Variants in OSBPL3 observed in about 807,000 individuals in gnomAD.
The protein encoded by OSBPL3 is oxysterol-binding protein-related protein 3.
OSBPL3 carries 65 observed loss-of-function variants against 120.1 expected under a neutral mutation model. That is an observed-to-expected ratio of 0.54 (90% confidence interval 0.44 to 0.67). The LOEUF (loss-of-function observed/expected upper bound fraction) is 0.67, where lower values mean the gene tolerates loss of function less well. OSBPL3 is among the 30% of genes least tolerant of loss of function. The pLI is 0.00. For missense variants in OSBPL3, 1,004 were observed against 1,082.1 expected (o/e 0.93, Z 1.01); for synonymous variants, 416 against 402.6 (o/e 1.03, Z -0.40).
chr7:24,931,024 C>T (rs905248790), intron 1 of OSBPL3, among the ~76,000 whole-genome samples: 1 of 152,304 alleles, frequency 6.6e-6, no homozygotes, highest in South Asian at 2.1e-4. Context: ...CCCAGACATC[C>T]ATTTCCCAAC....
chr7:24,924,965 AC>A (rs1287197871), intron 1 of OSBPL3, among the ~76,000 whole-genome samples: 7 of 152,202 alleles, frequency 4.6e-5, no homozygotes, highest in Non-Finnish European at 5.9e-5. Flanking sequence ...GTGTTTATAC[AC>A]TAAGAAGACA....
intron 1 of OSBPL3, among the ~76,000 whole-genome samples, chr7:24,970,892 G>C (rs762006686): frequency 1.8e-4 from 28 of 152,216 alleles, no homozygotes; most frequent in Admixed American, 3.9e-4. Context: ...AGATGACACT[G>C]ATACATCTCC....
chr7:24,837,133 C>T (rs1363568028), intron 14 of OSBPL3, among the ~76,000 whole-genome samples: 3 of 152,154 alleles, frequency 2.0e-5, no homozygotes, highest in Admixed American at 2.0e-4. Context: ...CCACGCCCAG[C>T]CTGTTTTAGT....
chr7:24,820,331 CG>C lies in OSBPL3; in HGVS notation c.1885-94del. The C allele has an allele frequency of 2.2e-6, 2 of 921,056 alleles. No individual in the cohort carries two copies. Among genetic ancestry groups the C allele is most frequent in the East Asian group, 5.3e-5 (2 of 37,712 alleles). 57.1% of individuals were successfully genotyped at this position (921,056 alleles called of 1,614,324 possible). On this transcript the variant is annotated intron_variant, in intron 16 of 22. Transcript: ENST00000313367. The surrounding 1 kb of genome is among the most constrained non-coding windows in gnomAD (Gnocchi z 4.6). ...TCTCCCCTGCACTGAGATGTAACAGCGTGCAATGCTGAACTGAAGGAAAAAC... is the reference window on the plus strand; with the variant it reads ...TCTCCCCTGCACTGAGATGTAACAGCTGCAATGCTGAACTGAAGGAAAAAC...
chr7:24,892,632 G>A lies in OSBPL3; in HGVS notation c.-149-11C>T. 1.5e-6 allele frequency: 2 copies of A among 1,348,028 alleles called. No individual in the cohort carries two copies. The highest frequency in any genetic ancestry group is 1.9e-6 in the Non-Finnish European group (2 of 1,045,246). 83.5% of individuals were successfully genotyped at this position (1,348,028 alleles called of 1,614,324 possible). On this transcript the variant is annotated splice_polypyrimidine_tract_variant and intron_variant, in intron 1 of 22. Transcript: ENST00000313367. ...AGGAAACCCTAAAACCTAAAAAAGAGAAATTAGAAAGAAGGTCAGAGGCAT... is the reference window on the plus strand; with the variant it reads ...AGGAAACCCTAAAACCTAAAAAAGAAAAATTAGAAAGAAGGTCAGAGGCAT...
At position 24,911,327 on chromosome 7, in the gene OSBPL3, T is replaced by C. The variant is rs140129853; in HGVS notation, c.-149-18706A>G. Among the ~76,000 whole-genome samples, 432 of 151,986 alleles carry C rather than the reference T, an allele frequency of 2.8e-3. 2 individuals carry two copies. Among genetic ancestry groups the C allele is most frequent in the Middle Eastern group, 0.014 (4 of 294 alleles). On this transcript the variant is annotated intron_variant, in intron 1 of 22. Coordinates refer to ENST00000313367, the MANE Select transcript of OSBPL3 (RefSeq NM_015550.4). ...AACTGCTTGCGGAAGCTTGGTAGAG[T>C]TTTAACAATTGGCAACCACAGGCAG... is the stretch of plus-strand genomic sequence containing the variant.
chr7:24,963,061 G>A (rs951462185), intron 1 of OSBPL3, among the ~76,000 whole-genome samples: 8 of 152,004 alleles, frequency 5.3e-5, no homozygotes, highest in East Asian at 3.9e-4. Context: ...AATTATTTCC[G>A]CTTACAAAGG....
chr7:24,814,743 C>T (rs76790292), intron 19 of OSBPL3, among the ~76,000 whole-genome samples: 4,512 of 152,238 alleles, frequency 0.03, 192 homozygotes, highest in African/African-American at 0.096. Context: ...ATGTAATATT[C>T]GTCCTTTTGG....
At chr7:24,853,008 A>C (rs1395758754) in intron 10 of OSBPL3, among the ~76,000 whole-genome samples, 2 of 152,190 alleles carry the variant, frequency 1.3e-5, no homozygotes, top group African/African-American at 4.8e-5. Flanking sequence ...AAGTCTATTA[A>C]AATTAACTCC....
chr7:24,835,527 CAG>C lies in OSBPL3; in HGVS notation c.1496-793_1496-792del, dbSNP rs778509603. On this transcript the variant is annotated intron_variant, in intron 14 of 22. Transcript: ENST00000313367. This position sits in a 1 kb window ranked among gnomAD's most constrained non-coding sequence, Gnocchi z 4.8. The stretch of plus-strand genomic sequence containing the variant: ...TGGCAATTTCTCAAAGAACTTAAAA[CAG>C]AACTGCCACTCAACTCAGCAATCCC... Among the ~76,000 whole-genome samples the C allele has an allele frequency of 6.6e-5, 10 of 152,060 alleles. No individual in the cohort carries two copies.
At position 24,964,432 on chromosome 7, in the gene OSBPL3, T is replaced by C. The variant is rs1816151153; in HGVS notation, c.-150+15454A>G. 6.6e-6 allele frequency among the ~76,000 whole-genome samples: 1 copy of C among 152,238 alleles called. No homozygotes were observed. Among genetic ancestry groups the C allele is most frequent in the South Asian group, 2.1e-4 (1 of 4,828 alleles). On this transcript the variant is annotated intron_variant, in intron 1 of 22. Transcript: ENST00000313367. This position sits in a 1 kb window ranked among gnomAD's most constrained non-coding sequence, Gnocchi z 4.2. ...ATGGCATTTTACCTCTGTAATCTTC[T>C]TCCCCAAAACCCATAACCCCAGTCC... is the stretch of plus-strand genomic sequence containing the variant.
In OSBPL3 at chr7:24,967,547, G is replaced by C. The variant is rs1220110868; in HGVS notation, c.-150+12339C>G. 6.6e-6 allele frequency among the ~76,000 whole-genome samples: 1 copy of C among 152,174 alleles called. No homozygotes were observed. The highest frequency in any genetic ancestry group is 2.4e-5 in the African/African-American group (1 of 41,454). Reference sequence around the variant, plus strand: ...TACCCACCCCAGAGAATGATTGTGAGAATTAAATCAGGTGATGTTCTTTCA... The same window carrying C: ...TACCCACCCCAGAGAATGATTGTGACAATTAAATCAGGTGATGTTCTTTCA... On this transcript the variant is annotated intron_variant, in intron 1 of 22. Coordinates refer to ENST00000313367, the MANE Select transcript of OSBPL3 (RefSeq NM_015550.4). This position sits in a 1 kb window ranked among gnomAD's most constrained non-coding sequence, Gnocchi z 5.6.
upstream of OSBPL3, chr7:24,980,220 G>C (rs1028227468): frequency 5.4e-5 from 12 of 222,336 alleles, 1 homozygote; most frequent in Admixed American, 6.5e-4. Flanking sequence ...GCCGCGCAAG[G>C]GCGGGAGCGC....
rs957415578 is a variant in OSBPL3 at position 24,827,367 on chromosome 7, G to A, written c.1884+3401C>T. Among the ~76,000 whole-genome samples the A allele has an allele frequency of 1.2e-4, 18 of 152,228 alleles. No individual in the cohort carries two copies. The highest frequency in any genetic ancestry group is 4.1e-4 in the African/African-American group (17 of 41,464). On this transcript the variant is annotated intron_variant, in intron 16 of 22. Coordinates refer to ENST00000313367, the MANE Select transcript of OSBPL3 (RefSeq NM_015550.4). The surrounding 1 kb of genome is among the most constrained non-coding windows in gnomAD (Gnocchi z 5.1). ...GTGTTAAATTAGAATAGACAGCATT[G>A]GGAGAGGGAAAGAGGGGTACTGAGC... is the stretch of plus-strand genomic sequence containing the variant.
rs143367016 is a variant in OSBPL3, at chr7:24,801,391, C to T, written c.2568-1112G>A. On this transcript the variant is annotated intron_variant, in intron 22 of 22. Coordinates refer to ENST00000313367, the MANE Select transcript of OSBPL3 (RefSeq NM_015550.4). ...TATACAGCTTCAAGTTTTTATCTTC[C>T]CCCTCTCTGCCAGCCTCCTGATTCT... Among the ~76,000 whole-genome samples, 145 of 152,216 alleles carry T rather than the reference C, an allele frequency of 9.5e-4. 2 individuals are homozygous for T. The East Asian group carries it at 0.026, about 27-fold the overall frequency.
At position 24,897,749 on chromosome 7, in the gene OSBPL3, T is replaced by G. The variant is rs564932282; in HGVS notation, c.-149-5128A>C. Among the ~76,000 whole-genome samples, 8 of 152,286 alleles carry G rather than the reference T, an allele frequency of 5.3e-5. No homozygotes were observed. In the East Asian group the frequency reaches 1.5e-3, roughly 29 times the overall value. On this transcript the variant is annotated intron_variant, in intron 1 of 22. Transcript: ENST00000313367. Reference sequence around the variant, plus strand: ...AGTGTGCTTACTTTGGAAGAAGACATAAATGCAGAAAGATAAAAGCCACAG... The same window carrying G: ...AGTGTGCTTACTTTGGAAGAAGACAGAAATGCAGAAAGATAAAAGCCACAG...
intron 1 of OSBPL3, among the ~76,000 whole-genome samples, chr7:24,941,388 T>A (rs532602276): frequency 6.6e-5 from 10 of 152,082 alleles, no homozygotes; most frequent in Non-Finnish European, 1.5e-4. Flanking sequence ...CTCTTTCTAC[T>A]CCTGCTGCTC....
rs1469279893 is a variant in OSBPL3, at chr7:24,967,644, G to C, written c.-150+12242C>G. On this transcript the variant is annotated intron_variant, in intron 1 of 22. Transcript: ENST00000313367. The surrounding 1 kb of genome is among the most constrained non-coding windows in gnomAD (Gnocchi z 5.6). ...GAAACTACCATTATTATTATTTTAT[G>C]GTCCTCCAATCTTTGTGACTAGTTA... Among the ~76,000 whole-genome samples the C allele has an allele frequency of 6.6e-6, 1 of 152,084 alleles. No individual in the cohort carries two copies. The highest frequency in any genetic ancestry group is 2.4e-5 in the African/African-American group (1 of 41,412).
At chr7:24,836,704 T>A (rs1797039401) in intron 14 of OSBPL3, among the ~76,000 whole-genome samples, 1 of 152,158 alleles carries the variant, frequency 6.6e-6, no homozygotes. Flanking sequence ...TATTTAACAT[T>A]TACTTATTAT....
Sources: allele counts gnomAD v4.1 joint callset (sites outside exome capture counted in the v4.1 genomes callset), GRCh38; gene constraint gnomAD v4.1.1; non-coding constraint Gnocchi (gnomAD v3.1); transcripts MANE v1.5; gene names NCBI Gene and HGNC (gene_info 2026-07-23, HGNC 2026-07-21).